Variants in DLG2 observed in about 807,000 individuals in gnomAD.
The protein encoded by DLG2 is discs large MAGUK scaffold protein 2, also known as disks large homolog 2.
In DLG2, 45 loss-of-function variants were observed where a neutral mutation model predicts 132.5. The ratio of observed to expected loss-of-function variants is 0.34; its 90% CI spans 0.27 to 0.44. DLG2 has a LOEUF of 0.44. Ranked by LOEUF, DLG2 falls within the 20% of genes least tolerant of loss-of-function variation. The pLI, the probability that DLG2 is intolerant of heterozygous loss-of-function variation, is 1.00. For missense variants in DLG2, 1,045 were observed against 1,196.9 expected (o/e 0.87, Z 1.87); for synonymous variants, 424 against 419.6 (o/e 1.01, Z -0.13).
intron 6 of DLG2, among the ~76,000 whole-genome samples, chr11:84,549,979 C>T (rs1011453791): frequency 2.6e-5 from 4 of 152,054 alleles, no homozygotes; most frequent in Admixed American, 1.3e-4. Flanking sequence ...TGGCCTCGAA[C>T]TCCTGGCCTC....
intron 16 of DLG2, among the ~76,000 whole-genome samples, chr11:83,869,944 T>C (rs1457596446): frequency 2.0e-5 from 3 of 152,200 alleles, no homozygotes; most frequent in Non-Finnish European, 4.4e-5. Flanking sequence ...GCTTTCTGAG[T>C]AGCTGAAGAT....
intron 7 of DLG2, among the ~76,000 whole-genome samples, chr11:84,307,566 G>A (rs2098234017): frequency 6.6e-6 from 1 of 151,968 alleles, no homozygotes; most frequent in African/African-American, 2.4e-5. Flanking sequence ...CGCAGTGAAG[G>A]GCGCCTGTAG....
intron 6 of DLG2, among the ~76,000 whole-genome samples, chr11:84,656,249 C>T (rs1183779510): frequency 3.9e-5 from 6 of 152,046 alleles, no homozygotes; most frequent in African/African-American, 1.4e-4. Context: ...TGTGTATAAC[C>T]AGTCCAATCT....
chr11:84,358,502 T>A (rs1244755778), intron 7 of DLG2, among the ~76,000 whole-genome samples: 2 of 151,850 alleles, frequency 1.3e-5, no homozygotes, highest in East Asian at 3.9e-4. Context: ...TGTTTTCAAC[T>A]CTAACACCTC....
intron 3 of DLG2, among the ~76,000 whole-genome samples, chr11:85,389,204 C>T (rs1344445149): frequency 6.6e-6 from 1 of 151,958 alleles, no homozygotes; most frequent in African/African-American, 2.4e-5. Flanking sequence ...TAAAGAAATA[C>T]AAAATGCACT....
chr11:85,099,270 G>A (rs1180651536), intron 6 of DLG2, among the ~76,000 whole-genome samples: 1 of 152,166 alleles, frequency 6.6e-6, no homozygotes, highest in Non-Finnish European at 1.5e-5. Flanking sequence ...TCGCTGCGTG[G>A]ACTACCTGAG....
intron 6 of DLG2, among the ~76,000 whole-genome samples, chr11:84,963,057 C>T (rs1364218548): frequency 1.3e-5 from 2 of 152,114 alleles, no homozygotes; most frequent in Non-Finnish European, 2.9e-5. Context: ...TAACTTGCCA[C>T]AAGACTCTAG....
intron 6 of DLG2, among the ~76,000 whole-genome samples, chr11:84,644,380 A>C (rs954088632): frequency 6.6e-6 from 1 of 152,140 alleles, no homozygotes; most frequent in Non-Finnish European, 1.5e-5. Flanking sequence ...TCTGGAAATT[A>C]TAGTGTGCAA....
intron 6 of DLG2, among the ~76,000 whole-genome samples, chr11:84,824,531 T>C (rs2078093608): frequency 6.6e-6 from 1 of 151,928 alleles, no homozygotes; most frequent in African/African-American, 2.4e-5. Flanking sequence ...GGTTGCTTTT[T>C]ATTCATGAAA....
chr11:84,385,311 T>A (rs925086231), intron 7 of DLG2, among the ~76,000 whole-genome samples: 1 of 152,130 alleles, frequency 6.6e-6, no homozygotes, highest in Non-Finnish European at 1.5e-5. Flanking sequence ...CAGCCCCAAA[T>A]GAATATTATT....
intron 9 of DLG2, among the ~76,000 whole-genome samples, chr11:84,147,116 G>A (rs996895392): frequency 6.6e-6 from 1 of 152,020 alleles, no homozygotes; most frequent in Non-Finnish European, 1.5e-5. Context: ...CTTCTAAACT[G>A]CACATGTGAC....
chr11:85,600,596 G>T (rs964502363), intron 2 of DLG2, among the ~76,000 whole-genome samples: 2 of 151,948 alleles, frequency 1.3e-5, no homozygotes, highest in African/African-American at 4.8e-5. Flanking sequence ...TATTTTTATT[G>T]GTTTTTACCA....
intron 6 of DLG2, among the ~76,000 whole-genome samples, chr11:84,622,467 T>G (rs1253634384): frequency 1.3e-5 from 2 of 151,958 alleles, no homozygotes; most frequent in Non-Finnish European, 2.9e-5. Flanking sequence ...TTCATAAGAG[T>G]CTGATCCCAC....
intron 18 of DLG2, among the ~76,000 whole-genome samples, chr11:83,784,802 T>C (rs2153882099): frequency 6.6e-6 from 1 of 152,360 alleles, no homozygotes; most frequent in African/African-American, 2.4e-5. Flanking sequence ...CGAGAGCTTC[T>C]AATTGCTTAT....
intron 3 of DLG2, among the ~76,000 whole-genome samples, chr11:85,341,157 C>T (rs538431754): frequency 2.6e-5 from 4 of 151,912 alleles, no homozygotes; most frequent in East Asian, 1.9e-4. Context: ...CTCACTCTGT[C>T]GCCCAGGCTG....
chr11:84,844,446 A>T (rs1002267139), intron 6 of DLG2, among the ~76,000 whole-genome samples: 3 of 151,816 alleles, frequency 2.0e-5, no homozygotes, highest in South Asian at 4.2e-4. Context: ...ATTTCTCTTC[A>T]TCCCTCCAGG....
At chr11:85,590,955 A>G (rs1485162234) in intron 3 of DLG2, among the ~76,000 whole-genome samples, 1 of 152,188 alleles carries the variant, frequency 6.6e-6, no homozygotes, top group Non-Finnish European at 1.5e-5. Context: ...TATATTAGCT[A>G]CAGCACAAAT....
At chr11:85,600,668 T>A (rs1381686704) in intron 2 of DLG2, among the ~76,000 whole-genome samples, 1 of 152,220 alleles carries the variant, frequency 6.6e-6, no homozygotes, top group African/African-American at 2.4e-5. Flanking sequence ...CCAACATATA[T>A]GTGGTTTGAT....
At chr11:84,380,623 A>G (rs1000911725) in intron 7 of DLG2, among the ~76,000 whole-genome samples, 2 of 152,010 alleles carry the variant, frequency 1.3e-5, no homozygotes, top group Non-Finnish European at 2.9e-5. Context: ...TTAGAAAAGG[A>G]AGAAAAAGTA....
Sources: allele counts gnomAD v4.1 joint callset (sites outside exome capture counted in the v4.1 genomes callset), GRCh38; gene constraint gnomAD v4.1.1; transcripts MANE v1.5; gene names NCBI Gene and HGNC (gene_info 2026-07-23, HGNC 2026-07-21).